LAPTM4B: variants seen among roughly 807,000 people sequenced by gnomAD.
The protein encoded by LAPTM4B is lysosomal-associated transmembrane protein 4B.
In LAPTM4B, 26 loss-of-function variants were observed where a neutral mutation model predicts 28.5. That is an observed-to-expected ratio of 0.91 (90% CI 0.67 to 1.27). The LOEUF is 1.27. Among genes scored for constraint, LAPTM4B ranks in the 50% most tolerant of loss-of-function variants. The pLI, the probability that LAPTM4B is intolerant of heterozygous loss-of-function variation, is 0.00. For missense variants in LAPTM4B, 288 were observed against 285.8 expected (o/e 1.01, Z -0.06); for synonymous variants, 109 against 106.4 (o/e 1.02, Z -0.15).
intron 5 of LAPTM4B, among the ~76,000 whole-genome samples, chr8:97,819,936 T>C (rs1384413431): frequency 5.3e-5 from 8 of 152,034 alleles, no homozygotes; most frequent in Non-Finnish European, 1.2e-4. Context: ...GGGGTTTCAC[T>C]GTGTTAGCCA....
Position 97,805,342 on chromosome 8 carries a change from T to TTC in LAPTM4B, c.100-11_100-10insTC. The TTC allele has an allele frequency of 2.1e-6, 3 of 1,404,820 alleles. No individual in the cohort carries two copies. Among genetic ancestry groups the TTC allele is most frequent in the Middle Eastern group, 1.8e-4 (1 of 5,458 alleles). 87.0% of individuals were successfully genotyped at this position (1,404,820 alleles called of 1,614,324 possible). A position where few individuals can be genotyped will look rare whatever the true frequency, so the allele number is the denominator to read the frequency against. ...TTAAATTCTTTTTTTTTTTTTTTTT[T>TTC]CTTGTTGCAGATCATCAATGCTGTG... On this transcript the variant is annotated splice_polypyrimidine_tract_variant and intron_variant, in intron 1 of 6. Coordinates refer to ENST00000521545, the MANE Select transcript of LAPTM4B (RefSeq NM_018407.6).
chr8:97,775,951 C>CGAGGCGGGCTCCAGGG lies in LAPTM4B; in HGVS notation c.-52_-51insGCTCCAGGGGAGGCGG. 1 of 1,502,152 alleles carries CGAGGCGGGCTCCAGGG rather than the reference C, an allele frequency of 6.7e-7. No individual in the cohort carries two copies. The highest frequency in any genetic ancestry group is 8.8e-7 in the Non-Finnish European group (1 of 1,135,090). The allele number at this position is 1,502,152 out of a possible 1,614,324, so 93.1% of individuals were successfully genotyped here. A position where few individuals can be genotyped will look rare whatever the true frequency, so the allele number is the denominator to read the frequency against. ...CAGCAGCGGCGCGGCGGGCTCCAGG[C>CGAGGCGGGCTCCAGGG]GAGGCGGTCGACGCTCCTGAAAACT... On this transcript the variant is annotated 5_prime_UTR_variant, in exon 1 of 7. Transcript: ENST00000521545.
chr8:97,844,876 C>T (rs960443589), intron 6 of LAPTM4B, among the ~76,000 whole-genome samples: 15 of 152,156 alleles, frequency 9.9e-5, no homozygotes, highest in Non-Finnish European at 1.8e-4. Context: ...TTCCTCTTTC[C>T]ATTTTGACTG....
chr8:97,802,941 C>G (rs1356770875), intron 1 of LAPTM4B, among the ~76,000 whole-genome samples: 1 of 152,020 alleles, frequency 6.6e-6, no homozygotes, highest in Non-Finnish European at 1.5e-5. Flanking sequence ...TGCCTCACGC[C>G]TATAATCCTA....
intron 2 of LAPTM4B, among the ~76,000 whole-genome samples, chr8:97,812,206 G>GTTTT (rs144651693): frequency 1.1e-3 from 83 of 78,366 alleles, no homozygotes; most frequent in Middle Eastern, 8.8e-3. Context: ...TTAATTATTT[G>GTTTT]TTTTTTTTTT....
At chr8:97,793,555 A>G (rs1365821516) in intron 1 of LAPTM4B, among the ~76,000 whole-genome samples, 1 of 152,242 alleles carries the variant, frequency 6.6e-6, no homozygotes, top group Admixed American at 6.5e-5. Context: ...CAGCTGTTCA[A>G]GAGTGATGTC....
chr8:97,821,523 G>C (rs1817001904), intron 5 of LAPTM4B, among the ~76,000 whole-genome samples: 2 of 151,840 alleles, frequency 1.3e-5, no homozygotes, highest in Non-Finnish European at 2.9e-5. Flanking sequence ...CAAAGAAGCA[G>C]GTAGTGAGGA....
At chr8:97,803,505 C>T (rs991101470) in intron 1 of LAPTM4B, among the ~76,000 whole-genome samples, 1 of 152,158 alleles carries the variant, frequency 6.6e-6, no homozygotes, top group Non-Finnish European at 1.5e-5. Context: ...AACTCCTAAT[C>T]TCAAGTAATC....
At chr8:97,840,480 C>T (rs1282150434) in intron 6 of LAPTM4B, among the ~76,000 whole-genome samples, 2 of 152,074 alleles carry the variant, frequency 1.3e-5, no homozygotes, top group Non-Finnish European at 2.9e-5. Context: ...ATTCCTTGCT[C>T]TAGGTGAGAG....
chr8:97,849,685 A>G (rs948461402), intron 6 of LAPTM4B, among the ~76,000 whole-genome samples: 2 of 152,168 alleles, frequency 1.3e-5, no homozygotes, highest in African/African-American at 4.8e-5. Flanking sequence ...TCACAGCTCC[A>G]GAGTCCCATT....
chr8:97,801,931 T>C (rs1481317549), intron 1 of LAPTM4B, among the ~76,000 whole-genome samples: 1 of 152,116 alleles, frequency 6.6e-6, no homozygotes, highest in Non-Finnish European at 1.5e-5. Context: ...TAAATCTTAA[T>C]GCCAGTTGTG....
intron 1 of LAPTM4B, among the ~76,000 whole-genome samples, chr8:97,783,072 CTTT>C (rs10605324): frequency 1.9e-4 from 24 of 127,750 alleles, no homozygotes; most frequent in African/African-American, 4.8e-4. Flanking sequence ...CGCGCCCGGC[CTTT>C]TTTTTTTTTT....
Position 97,848,312 on chromosome 8 carries a change from A to G in LAPTM4B, c.604-3085A>G, listed in dbSNP as rs6468598. ...ATGTTGATTTAAAATGAAACTTTAA[A>G]ACGAGTTTGAAGATGAATAATAAGA... On this transcript the variant is annotated intron_variant, in intron 6 of 6. Coordinates refer to ENST00000521545, the MANE Select transcript of LAPTM4B (RefSeq NM_018407.6). 6.7e-3 allele frequency among the ~76,000 whole-genome samples: 1,020 copies of G among 152,312 alleles called. 17 individuals are homozygous for G. The highest frequency in any genetic ancestry group is 0.022 in the African/African-American group (926 of 41,572).
intron 1 of LAPTM4B, among the ~76,000 whole-genome samples, chr8:97,795,578 C>T (rs892558694): frequency 6.6e-6 from 1 of 152,030 alleles, no homozygotes; most frequent in Non-Finnish European, 1.5e-5. Context: ...ACTGGCTGGG[C>T]GTGGTGGCTC....
chr8:97,805,520 TC>T, intron 2 of LAPTM4B, 56 bp downstream of exon 2: 1 of 926,442 alleles, frequency 1.1e-6, no homozygotes, highest in Non-Finnish European at 1.8e-6. Context: ...TGCCAGCACT[TC>T]CTATTAAATT....
intron 2 of LAPTM4B, among the ~76,000 whole-genome samples, chr8:97,807,448 A>T (rs1340412693): frequency 6.6e-6 from 1 of 152,186 alleles, no homozygotes; most frequent in Non-Finnish European, 1.5e-5. Context: ...GGATTAAATG[A>T]GTTAGTGCGT....
intron 4 of LAPTM4B, among the ~76,000 whole-genome samples, chr8:97,817,071 T>C (rs892090937): frequency 6.6e-6 from 1 of 152,232 alleles, no homozygotes; most frequent in Non-Finnish European, 1.5e-5. Context: ...AAATGTCCTT[T>C]GTGACCATAT....
At chr8:97,808,251 T>C (rs7828360) in intron 2 of LAPTM4B, among the ~76,000 whole-genome samples, 129,558 of 151,800 alleles carry the variant, frequency 0.85, 57,234 homozygotes, top group East Asian at 0.96. Flanking sequence ...AGTTGCGAGA[T>C]CAGCCTGTCC....
At chr8:97,778,971 T>A (rs999455736) in intron 1 of LAPTM4B, among the ~76,000 whole-genome samples, 2 of 152,220 alleles carry the variant, frequency 1.3e-5, no homozygotes, top group African/African-American at 4.8e-5. Context: ...GCAGGACCAC[T>A]GTAAAACGAG....
Sources: allele counts gnomAD v4.1 joint callset (sites outside exome capture counted in the v4.1 genomes callset), GRCh38; gene constraint gnomAD v4.1.1; transcripts MANE v1.5; gene names NCBI Gene and HGNC (gene_info 2026-07-23, HGNC 2026-07-21).